The following CCNY variants were observed in gnomAD, a reference collection of about 807,000 sequenced individuals.
The protein encoded by CCNY is cyclin Y, also known as cyclin-Y.
CCNY carries 19 observed loss-of-function variants against 42.8 expected under a neutral mutation model. The ratio of observed to expected loss-of-function variants is 0.44; its 90% CI spans 0.31 to 0.65. The LOEUF is 0.65. CCNY is among the 30% of genes least tolerant of loss of function. The pLI is 0.07. For synonymous variants in CCNY, 165 were observed against 162.7 expected (o/e 1.01, Z -0.11); for missense variants, 370 against 437.3 (o/e 0.85, Z 1.37).
rs547926458 is a variant in CCNY, at chr10:35,425,865, T to C, written c.155-57539T>C. Among the ~76,000 whole-genome samples, 4 of 152,288 alleles carry C rather than the reference T, an allele frequency of 2.6e-5. No individual in the cohort carries two copies. In the South Asian group the frequency reaches 8.3e-4, roughly 32 times the overall value. ...CTAAACAACAAAAACTTACCCTTGT[T>C]AGTGACTCATCCAGTGCCCTTAGTG... is the stretch of plus-strand genomic sequence containing the variant. On this transcript the variant is annotated intron_variant, in intron 1 of 9. Coordinates refer to ENST00000374704, the MANE Select transcript of CCNY (RefSeq NM_145012.6).
chr10:35,507,949 T>A (rs1015162298), intron 3 of CCNY, among the ~76,000 whole-genome samples: 17 of 152,244 alleles, frequency 1.1e-4, no homozygotes, highest in African/African-American at 3.9e-4. Context: ...CTGACTCTTG[T>A]TGCTGATGTT....
At chr10:35,398,594 G>A (rs759248406) in intron 1 of CCNY, among the ~76,000 whole-genome samples, 7 of 152,014 alleles carry the variant, frequency 4.6e-5, no homozygotes, top group Non-Finnish European at 1.0e-4. Flanking sequence ...TTTACCATAT[G>A]GTTCTCGAGA....
intron 1 of CCNY, among the ~76,000 whole-genome samples, chr10:35,440,272 G>C (rs1231642565): frequency 9.2e-5 from 14 of 152,178 alleles, no homozygotes; most frequent in Admixed American, 6.5e-4. Context: ...TTTTATCTGA[G>C]ATAAGTGAGG....
intron 7 of CCNY, among the ~76,000 whole-genome samples, chr10:35,531,026 G>A (rs546371998): frequency 2.6e-5 from 4 of 152,216 alleles, no homozygotes; most frequent in Non-Finnish European, 5.9e-5. Flanking sequence ...CTATGATCAT[G>A]CCACTGCACT....
chr10:35,357,471 A>G (rs1352583632), intron 1 of CCNY, among the ~76,000 whole-genome samples: 1 of 152,232 alleles, frequency 6.6e-6, no homozygotes, highest in Non-Finnish European at 1.5e-5. Flanking sequence ...GTGTGTTTCT[A>G]GACCTTGGCA....
intron 7 of CCNY, among the ~76,000 whole-genome samples, chr10:35,550,134 T>C (rs1338947817): frequency 4.4e-5 from 3 of 68,484 alleles, no homozygotes; most frequent in Non-Finnish European, 8.4e-5. Context: ...CTTGTGACCC[T>C]GCGCTGCTCA....
intron 1 of CCNY, among the ~76,000 whole-genome samples, chr10:35,425,610 A>G (rs557407104): frequency 2.6e-5 from 4 of 152,356 alleles, no homozygotes; most frequent in Non-Finnish European, 2.9e-5. Context: ...ACAGTATGGT[A>G]AGAATGCACC....
chr10:35,479,065 C>A (rs1589148021), intron 1 of CCNY, among the ~76,000 whole-genome samples: 1 of 151,926 alleles, frequency 6.6e-6, no homozygotes, highest in Admixed American at 6.6e-5. Flanking sequence ...GATACCATCT[C>A]ACACCAGTTA....
chr10:35,398,975 C>T (rs1003135606), intron 1 of CCNY, among the ~76,000 whole-genome samples: 1 of 152,212 alleles, frequency 6.6e-6, no homozygotes, highest in East Asian at 1.9e-4. Flanking sequence ...GCTTGCTTTC[C>T]TGGCCTTTCA....
intron 1 of CCNY, among the ~76,000 whole-genome samples, chr10:35,391,592 A>T (rs1564393609): frequency 6.6e-6 from 1 of 152,226 alleles, no homozygotes; most frequent in Non-Finnish European, 1.5e-5. Context: ...GAACCTACTG[A>T]CATACTGATT....
At chr10:35,405,998 T>C (rs1183285466) in intron 1 of CCNY, among the ~76,000 whole-genome samples, 2 of 152,042 alleles carry the variant, frequency 1.3e-5, no homozygotes, top group African/African-American at 4.8e-5. Context: ...GGTTCAGGCG[T>C]TTGGAGTTCT....
chr10:35,320,792 G>A (rs1028955852), intron 3 of CCNY: 2 of 152,084 alleles, frequency 1.3e-5, no homozygotes, highest in Admixed American at 1.3e-4. Context: ...AATATTTTCT[G>A]CATACTAGCA....
chr10:35,562,917 G>GT (rs968752670), intron 8 of CCNY, among the ~76,000 whole-genome samples: 17 of 151,204 alleles, frequency 1.1e-4, no homozygotes, highest in African/African-American at 4.1e-4. Context: ...TTGCTGAATT[G>GT]TACCAAATTG....
At chr10:35,261,513 C>T (rs2095719590) in intron 3 of CCNY, among the ~76,000 whole-genome samples, 1 of 151,748 alleles carries the variant, frequency 6.6e-6, no homozygotes, top group African/African-American at 2.4e-5. Flanking sequence ...GCTGAGATTA[C>T]AGGCATGAGC....
rs1837424913 is a variant in CCNY at position 35,392,014 on chromosome 10, TA to T, written c.154+54811del. On this transcript the variant is annotated intron_variant, in intron 1 of 9. Coordinates refer to ENST00000374704, the MANE Select transcript of CCNY (RefSeq NM_145012.6). ...CTATAACATTTATTATTTGTTCCAT[TA>T]AAATGTTTTCAAAATGACATTTTAT... Among the ~76,000 whole-genome samples, 4 of 152,254 alleles carry T rather than the reference TA, an allele frequency of 2.6e-5. No individual in the cohort carries two copies. The South Asian group carries it at 6.2e-4, about 24-fold the overall frequency.
chr10:35,389,227 G>GCTGCTACTACTACTA (rs1294696448), intron 1 of CCNY, among the ~76,000 whole-genome samples: 3 of 151,916 alleles, frequency 2.0e-5, no homozygotes, highest in African/African-American at 7.3e-5. Context: ...ATATTTTATT[G>GCTGCTACTACTACTA]CTGCTACTAC....
At position 35,526,451 on chromosome 10, in the gene CCNY, C is replaced by T. The variant is rs376231434; in HGVS notation, c.401+452C>T. On this transcript the variant is annotated intron_variant, in intron 5 of 9. Coordinates refer to ENST00000374704, the MANE Select transcript of CCNY (RefSeq NM_145012.6). ...CCCTCTCTGATGTAAGTGTATCTGG[C>T]AATAGTTGGTTAATTTTAAAAGTCA... Among the ~76,000 whole-genome samples the T allele has an allele frequency of 1.1e-4, 16 of 152,128 alleles. No homozygotes were observed. In the South Asian group the frequency reaches 1.9e-3, roughly 18 times the overall value.
chr10:35,554,441 A>T (rs1841322707), intron 8 of CCNY, among the ~76,000 whole-genome samples: 1 of 152,230 alleles, frequency 6.6e-6, no homozygotes, highest in African/African-American at 2.4e-5. Flanking sequence ...TAAGAAAAAT[A>T]AAATTCTTGA....
At chr10:35,250,193 C>CAAAA (rs71523370) in intron 2 of CCNY, among the ~76,000 whole-genome samples, 4 of 77,762 alleles carry the variant, frequency 5.1e-5, no homozygotes, top group South Asian at 5.0e-4. Context: ...GACTCCATCT[C>CAAAA]AAAAAAAAAA....
Sources: gnomAD v4.1 joint callset for allele counts (sites outside exome capture counted in the v4.1 genomes callset) on GRCh38, gnomAD v4.1.1 for gene constraint, MANE v1.5 for transcripts, NCBI Gene and HGNC (gene_info 2026-07-23, HGNC 2026-07-21) for gene names.